GALNT17: variants seen among roughly 807,000 people sequenced by gnomAD.
The protein encoded by GALNT17 is polypeptide N-acetylgalactosaminyltransferase 17.
A neutral mutation model predicts 63.7 loss-of-function variants in GALNT17; 29 were observed. The ratio of observed to expected loss-of-function variants is 0.46; its 90% confidence interval spans 0.34 to 0.62. The LOEUF (loss-of-function observed/expected upper bound fraction) is 0.62, where lower values mean the gene tolerates loss of function less well. Ranked by LOEUF, GALNT17 falls within the 20% of genes least tolerant of loss-of-function variation. The pLI, the probability that GALNT17 is intolerant of heterozygous loss-of-function variation, is 0.01. For missense variants in GALNT17, 603 were observed against 799.6 expected, an observed-to-expected ratio of 0.75 and a Z score of 2.97; for synonymous variants, 305 against 318.3, an observed-to-expected ratio of 0.96 and a Z score of 0.45.
At chr7:71,554,790 C>T (rs973089611) in intron 5 of GALNT17, among the ~76,000 whole-genome samples, 12 of 152,226 alleles carry the variant, frequency 7.9e-5, no homozygotes, top group African/African-American at 2.7e-4. Context: ...GAAACTCCCC[C>T]AGGAGAGACC....
chr7:71,643,473 A>T (rs1584108928), intron 6 of GALNT17, among the ~76,000 whole-genome samples: 1 of 152,196 alleles, frequency 6.6e-6, no homozygotes, highest in African/African-American at 2.4e-5. Flanking sequence ...GTCAAAAAAC[A>T]AAAACAAAAA....
At chr7:71,490,256 C>CAAA (rs35867509) in intron 5 of GALNT17, among the ~76,000 whole-genome samples, 1 of 136,616 alleles carries the variant, frequency 7.3e-6, no homozygotes, top group African/African-American at 2.7e-5. Flanking sequence ...GACTCTGTCT[C>CAAA]AAAAAAAAAA....
chr7:71,566,282 C>T (rs1360320805), intron 5 of GALNT17, among the ~76,000 whole-genome samples: 1 of 152,132 alleles, frequency 6.6e-6, no homozygotes, highest in Non-Finnish European at 1.5e-5. Context: ...TGCCCAAAGC[C>T]ACCGCTTTGG....
intron 5 of GALNT17, among the ~76,000 whole-genome samples, chr7:71,475,470 C>T (rs373079864): frequency 3.9e-5 from 6 of 152,106 alleles, no homozygotes; most frequent in African/African-American, 1.4e-4. Flanking sequence ...GCACAGTTCA[C>T]AATAGGGTTT....
chr7:71,403,738 C>T (rs1793279820), intron 3 of GALNT17, among the ~76,000 whole-genome samples: 1 of 152,136 alleles, frequency 6.6e-6, no homozygotes. Context: ...ATTCCACTCC[C>T]GGCTGCCAAA....
chr7:71,377,679 C>A (rs1177276228), intron 2 of GALNT17, among the ~76,000 whole-genome samples: 1 of 152,200 alleles, frequency 6.6e-6, no homozygotes, highest in African/African-American at 2.4e-5. Context: ...TAATCGTAAT[C>A]CCCATGTGTC....
intron 5 of GALNT17, among the ~76,000 whole-genome samples, chr7:71,561,984 C>G (rs10239083): frequency 0.51 from 77,162 of 150,992 alleles, 20,474 homozygotes; most frequent in African/African-American, 0.64. Context: ...GAGATGGGGT[C>G]TCGCTCTGTC....
chr7:71,319,350 A>G (rs540757856), intron 1 of GALNT17, among the ~76,000 whole-genome samples: 1 of 152,182 alleles, frequency 6.6e-6, no homozygotes, highest in East Asian at 1.9e-4. Context: ...GCAAAGGTCC[A>G]TTCTTGGAAT....
At chr7:71,184,184 G>A (rs1323097788) in intron 1 of GALNT17, among the ~76,000 whole-genome samples, 1 of 152,150 alleles carries the variant, frequency 6.6e-6, no homozygotes, top group Non-Finnish European at 1.5e-5. Context: ...GACCTCAAAA[G>A]AAATCAACCC....
At chr7:71,454,045 TC>T (rs982476170) in intron 5 of GALNT17, among the ~76,000 whole-genome samples, 5 of 152,210 alleles carry the variant, frequency 3.3e-5, no homozygotes, top group Non-Finnish European at 5.9e-5. Context: ...ACTTAATATG[TC>T]CCAGGGTATT....
intron 5 of GALNT17, among the ~76,000 whole-genome samples, chr7:71,488,978 C>T (rs1787960432): frequency 7.3e-6 from 1 of 137,836 alleles, no homozygotes; most frequent in African/African-American, 2.7e-5. Context: ...ACTGCAGTCT[C>T]TGCCTCCCAG....
chr7:71,167,446 T>G (rs1229431377), intron 1 of GALNT17, among the ~76,000 whole-genome samples: 1 of 152,160 alleles, frequency 6.6e-6, no homozygotes, highest in African/African-American at 2.4e-5. Context: ...CTAGTTTTTC[T>G]TTTTTTGTTA....
intron 3 of GALNT17, among the ~76,000 whole-genome samples, chr7:71,412,916 A>G (rs746914761): frequency 7.2e-5 from 11 of 151,946 alleles, no homozygotes; most frequent in Non-Finnish European, 1.5e-4. Flanking sequence ...GGTGGCAGGC[A>G]CCTGTAGTCC....
chr7:71,576,470 A>G (rs1433634002), intron 6 of GALNT17, among the ~76,000 whole-genome samples: 2 of 151,970 alleles, frequency 1.3e-5, no homozygotes, highest in East Asian at 1.9e-4. Flanking sequence ...CATTCCCACC[A>G]GCAGTGTACA....
chr7:71,160,506 T>A (rs1463679196), intron 1 of GALNT17, among the ~76,000 whole-genome samples: 1 of 152,196 alleles, frequency 6.6e-6, no homozygotes, highest in African/African-American at 2.4e-5. Context: ...TTGCCTAGGC[T>A]GGAGTGCAAT....
chr7:71,510,261 T>TATTAC (rs1182365525), intron 5 of GALNT17, among the ~76,000 whole-genome samples: 1 of 152,200 alleles, frequency 6.6e-6, no homozygotes, highest in African/African-American at 2.4e-5. Flanking sequence ...AAATGTAAAA[T>TATTAC]GTAATGGCTT....
chr7:71,365,167 A>G (rs1475782542), intron 2 of GALNT17, among the ~76,000 whole-genome samples: 2 of 151,982 alleles, frequency 1.3e-5, no homozygotes, highest in Non-Finnish European at 2.9e-5. Flanking sequence ...TCCTGACCTA[A>G]AGTGATCTGC....
At chr7:71,380,154 T>A (rs1414247808) in intron 2 of GALNT17, among the ~76,000 whole-genome samples, 5 of 151,970 alleles carry the variant, frequency 3.3e-5, no homozygotes, top group Admixed American at 6.6e-5. Flanking sequence ...AGAGTAGATG[T>A]CACTGGAAAC....
chr7:71,514,761 G>T (rs1372278874), intron 5 of GALNT17, among the ~76,000 whole-genome samples: 1 of 152,134 alleles, frequency 6.6e-6, no homozygotes, highest in Non-Finnish European at 1.5e-5. Context: ...TTACTGTCTT[G>T]CTTTGATCAG....
Sources: allele counts gnomAD v4.1 joint callset (sites outside exome capture counted in the v4.1 genomes callset), GRCh38; gene constraint gnomAD v4.1.1; transcripts MANE v1.5; gene names NCBI Gene and HGNC (gene_info 2026-07-23, HGNC 2026-07-21).